AGBL4: variants seen among roughly 807,000 people sequenced by gnomAD.
The protein encoded by AGBL4 is cytosolic carboxypeptidase 6.
AGBL4 carries 58 observed loss-of-function variants against 66.4 expected under a neutral mutation model. The ratio of observed to expected loss-of-function variants is 0.87; its 90% CI spans 0.71 to 1.09. The LOEUF is 1.09. AGBL4 is among the 50% of genes least tolerant of loss of function. The pLI is 0.00. For missense variants in AGBL4, 579 were observed against 631.0 expected, an observed-to-expected ratio of 0.92 and a Z score of 0.88; for synonymous variants, 234 against 222.9, an observed-to-expected ratio of 1.05 and a Z score of -0.44.
rs570425421 is a variant in AGBL4, at chr1:49,423,672, T to G, written c.283-177808A>C. Reference sequence around the variant, plus strand: ...TAAAAAGTACAAAAAATTAGCCAGGTGTGGTGGTACACACCTGTAGTCCCA... The same window carrying G: ...TAAAAAGTACAAAAAATTAGCCAGGGGTGGTGGTACACACCTGTAGTCCCA... On this transcript the variant is annotated intron_variant, in intron 3 of 13. Transcript: ENST00000371839. 3.3e-5 allele frequency among the ~76,000 whole-genome samples: 5 copies of G among 151,656 alleles called. No individual in the cohort carries two copies. In the South Asian group the frequency reaches 1.0e-3, roughly 32 times the overall value.
chr1:49,825,105 C>A (rs1416213557), intron 2 of AGBL4, among the ~76,000 whole-genome samples: 1 of 152,166 alleles, frequency 6.6e-6, no homozygotes, highest in Non-Finnish European at 1.5e-5. Context: ...ATATAGTGAG[C>A]AACTCAATAT....
chr1:49,743,910 G>C (rs539162787), intron 2 of AGBL4, among the ~76,000 whole-genome samples: 4 of 115,044 alleles, frequency 3.5e-5, no homozygotes, highest in African/African-American at 1.3e-4. Flanking sequence ...ATTGTGGGGT[G>C]GGGGGAGGGG....
intron 3 of AGBL4, among the ~76,000 whole-genome samples, chr1:49,627,630 T>C (rs1476876775): frequency 6.6e-6 from 1 of 152,156 alleles, no homozygotes; most frequent in Non-Finnish European, 1.5e-5. Flanking sequence ...ATGATTTCTT[T>C]TCTCTCATTT....
At chr1:49,758,923 C>G (rs1652101633) in intron 2 of AGBL4, among the ~76,000 whole-genome samples, 1 of 152,112 alleles carries the variant, frequency 6.6e-6, no homozygotes, top group Admixed American at 6.5e-5. Context: ...CAAATCTCAT[C>G]TGGAATTGTA....
intron 5 of AGBL4, among the ~76,000 whole-genome samples, chr1:48,949,646 C>G (rs145857249): frequency 2.6e-5 from 4 of 152,242 alleles, no homozygotes; most frequent in Non-Finnish European, 4.4e-5. Flanking sequence ...AAGTGATATC[C>G]TTCTGTTCTC....
chr1:48,776,869 G>A (rs1645121527), intron 6 of AGBL4: 2 of 1,385,854 alleles, frequency 1.4e-6, no homozygotes, highest in African/African-American at 1.5e-5. Context: ...GGGCAGCTCA[G>A]CCCGCGGGGC....
At chr1:49,950,110 A>ATGTG (rs1656000582) in intron 1 of AGBL4, among the ~76,000 whole-genome samples, 1 of 142,928 alleles carries the variant, frequency 7.0e-6, no homozygotes, top group East Asian at 2.1e-4. Flanking sequence ...ATATATACAT[A>ATGTG]TGTATATACA....
intron 4 of AGBL4, among the ~76,000 whole-genome samples, chr1:49,241,502 A>G (rs562642128): frequency 1.3e-5 from 2 of 152,222 alleles, no homozygotes; most frequent in African/African-American, 4.8e-5. Flanking sequence ...TGTAGTATTT[A>G]AATTATAACT....
chr1:48,655,954 C>T (rs1646013162), intron 7 of AGBL4, among the ~76,000 whole-genome samples: 1 of 152,208 alleles, frequency 6.6e-6, no homozygotes, highest in Admixed American at 6.5e-5. Flanking sequence ...TTCCTCTCCG[C>T]CAAAAGTAGA....
chr1:49,101,559 C>G (rs1645202630), intron 4 of AGBL4, among the ~76,000 whole-genome samples: 1 of 152,164 alleles, frequency 6.6e-6, no homozygotes, highest in Non-Finnish European at 1.5e-5. Context: ...ATACTCTATA[C>G]AGAATAATGA....
In AGBL4 at chr1:49,808,506, C is replaced by A. The variant is rs143151965; in HGVS notation, c.157+42890G>T. Among the ~76,000 whole-genome samples, 1,306 of 152,050 alleles carry A rather than the reference C, an allele frequency of 8.6e-3. 20 individuals are homozygous for A. The highest frequency in any genetic ancestry group is 0.03 in the African/African-American group (1,227 of 41,486). On this transcript the variant is annotated intron_variant, in intron 2 of 13. Coordinates refer to ENST00000371839, the MANE Select transcript of AGBL4 (RefSeq NM_032785.4). The stretch of plus-strand genomic sequence containing the variant: ...TTAATAAATATAATAAGATTATATC[C>A]CCTCAAGTTTTTCTCAATTACTATT...
intron 4 of AGBL4, among the ~76,000 whole-genome samples, chr1:49,062,572 G>A (rs1383392926): frequency 6.6e-6 from 1 of 152,206 alleles, no homozygotes; most frequent in African/African-American, 2.4e-5. Flanking sequence ...AACAGATACA[G>A]TTGAAAAGGA....
intron 6 of AGBL4, among the ~76,000 whole-genome samples, chr1:48,689,431 T>TC (rs1319826484): frequency 0.019 from 2,706 of 144,864 alleles, 96 homozygotes; most frequent in African/African-American, 0.071. Flanking sequence ...CTTCCTTTCT[T>TC]CTTTCCTTCC....
At chr1:49,363,619 T>C (rs979577800) in intron 3 of AGBL4, among the ~76,000 whole-genome samples, 2 of 152,206 alleles carry the variant, frequency 1.3e-5, no homozygotes, top group African/African-American at 2.4e-5. Context: ...TGTGAGTGGA[T>C]ATATTTGAAG....
chr1:49,452,249 A>G (rs1646294009), intron 3 of AGBL4, among the ~76,000 whole-genome samples: 2 of 151,832 alleles, frequency 1.3e-5, no homozygotes, highest in South Asian at 4.2e-4. Context: ...GTTTTACTAT[A>G]CTTATCTGGA....
At chr1:48,929,839 A>T (rs1654894026) in intron 5 of AGBL4, among the ~76,000 whole-genome samples, 1 of 152,160 alleles carries the variant, frequency 6.6e-6, no homozygotes, top group Admixed American at 6.5e-5. Context: ...CAAACCTGAT[A>T]ATCAATACCA....
intron 1 of AGBL4, among the ~76,000 whole-genome samples, chr1:49,874,670 T>C (rs928401761): frequency 2.0e-5 from 3 of 152,176 alleles, no homozygotes; most frequent in Non-Finnish European, 4.4e-5. Flanking sequence ...AGTATTATTC[T>C]ACAGAGTAAC....
intron 4 of AGBL4, among the ~76,000 whole-genome samples, chr1:49,230,989 G>C (rs184659262): frequency 1.7e-4 from 26 of 152,134 alleles, no homozygotes; most frequent in African/African-American, 5.3e-4. Context: ...TCTAGAATGG[G>C]TAAAAAAAAC....
intron 1 of AGBL4, among the ~76,000 whole-genome samples, chr1:49,969,324 T>C (rs1270843533): frequency 6.6e-6 from 1 of 152,060 alleles, no homozygotes. Flanking sequence ...CCTCCAAAAG[T>C]TTCCTCCTGC....
Sources: gnomAD v4.1 joint callset for allele counts (sites outside exome capture counted in the v4.1 genomes callset) on GRCh38, gnomAD v4.1.1 for gene constraint, MANE v1.5 for transcripts, NCBI Gene and HGNC (gene_info 2026-07-23, HGNC 2026-07-21) for gene names.